The following RAPGEF4 variants were observed in gnomAD, a reference collection of about 807,000 sequenced individuals.
The protein encoded by RAPGEF4 is Rap guanine nucleotide exchange factor 4.
In RAPGEF4, 66 loss-of-function variants were observed where a neutral mutation model predicts 147.9. The observed-to-expected ratio is 0.45, with a 90% CI of 0.37 to 0.55. RAPGEF4 has a LOEUF of 0.55. Among genes scored for constraint, RAPGEF4 ranks in the 20% least tolerant of loss-of-function variants. The pLI, the probability that RAPGEF4 is intolerant of heterozygous loss-of-function variation, is 0.00. For synonymous variants in RAPGEF4, 419 were observed against 442.7 expected, an observed-to-expected ratio of 0.95 and a Z score of 0.67; for missense variants, 1,071 against 1,257.3, an observed-to-expected ratio of 0.85 and a Z score of 2.24.
chr2:173,036,566 G>A (rs1684038712), intron 28 of RAPGEF4, 62 bp from the exon 29 acceptor site: 1 of 1,283,714 alleles, frequency 7.8e-7, no homozygotes, highest in Non-Finnish European at 1.1e-6. Flanking sequence ...TGGTGCTATT[G>A]TGCTTTCTTA....
chr2:172,917,713 C>G (rs972228184), intron 4 of RAPGEF4, 89 bp from the exon 5 acceptor site: 21 of 1,136,632 alleles, frequency 1.8e-5, no homozygotes, highest in Non-Finnish European at 2.4e-5. Context: ...CTTCCTGACA[C>G]CCAGCATTTC....
chr2:172,819,627 G>A (rs1293414655), intron 4 of RAPGEF4, among the ~76,000 whole-genome samples: 5 of 151,130 alleles, frequency 3.3e-5, no homozygotes, highest in East Asian at 1.9e-4. Flanking sequence ...CACTACGCCC[G>A]GCTAATTTTT....
intron 4 of RAPGEF4, among the ~76,000 whole-genome samples, chr2:172,902,522 C>T (rs1699180267): frequency 1.3e-5 from 2 of 152,156 alleles, no homozygotes; most frequent in Admixed American, 6.5e-5. Flanking sequence ...AGGCTGGTCT[C>T]GATGCCTGGA....
chr2:172,921,263 G>GT, intron 5 of RAPGEF4, among the ~76,000 whole-genome samples: 1 of 151,924 alleles, frequency 6.6e-6, no homozygotes. Flanking sequence ...TGCCCAGCTA[G>GT]TTTTTTGTGG....
chr2:172,981,417 C>T (rs1305772205), intron 10 of RAPGEF4, among the ~76,000 whole-genome samples: 1 of 152,238 alleles, frequency 6.6e-6, no homozygotes, highest in Non-Finnish European at 1.5e-5. Context: ...TAGATGAGGG[C>T]TCTGGCCGAG....
chr2:172,744,513 C>T, intron 1 of RAPGEF4: 1 of 403,284 alleles, frequency 2.5e-6, no homozygotes, highest in South Asian at 1.9e-5. Context: ...ACTGTATAGG[C>T]TCAAACCCCA....
At chr2:173,001,133 C>T in intron 16 of RAPGEF4, 133 bp from the exon 17 acceptor site, 1 of 1,305,588 alleles carries the variant, frequency 7.7e-7, no homozygotes, top group Non-Finnish European at 1.0e-6. Flanking sequence ...TGAAGTGCTT[C>T]CATGTAAAGT....
chr2:173,018,090 G>T (rs749621975), intron 21 of RAPGEF4, among the ~76,000 whole-genome samples: 1 of 152,176 alleles, frequency 6.6e-6, no homozygotes, highest in Non-Finnish European at 1.5e-5. Flanking sequence ...AATGGGAATT[G>T]CTCCCAGGAT....
chr2:172,889,381 A>G (rs1428561283), intron 4 of RAPGEF4, among the ~76,000 whole-genome samples: 1 of 152,210 alleles, frequency 6.6e-6, no homozygotes, highest in Non-Finnish European at 1.5e-5. Flanking sequence ...GTCAACAAAG[A>G]GTCGTATTTG....
chr2:172,800,952 T>C (rs1391396985), intron 3 of RAPGEF4, among the ~76,000 whole-genome samples: 1 of 152,146 alleles, frequency 6.6e-6, no homozygotes, highest in African/African-American at 2.4e-5. Context: ...GTGAAGGCCA[T>C]GGGTAAGGAG....
At chr2:172,851,060 C>T (rs1692762398) in intron 4 of RAPGEF4, among the ~76,000 whole-genome samples, 1 of 152,168 alleles carries the variant, frequency 6.6e-6, no homozygotes. Flanking sequence ...ATCTTTCTAA[C>T]ATTTTGTTAC....
At chr2:172,991,706 C>T (rs1409677884) in intron 15 of RAPGEF4, among the ~76,000 whole-genome samples, 1 of 152,094 alleles carries the variant, frequency 6.6e-6, no homozygotes, top group Non-Finnish European at 1.5e-5. Context: ...AGAAATGTTG[C>T]CCAATAATAT....
At chr2:173,007,360 A>G (rs1694585554) in intron 17 of RAPGEF4, among the ~76,000 whole-genome samples, 1 of 152,238 alleles carries the variant, frequency 6.6e-6, no homozygotes, top group African/African-American at 2.4e-5. Flanking sequence ...GATGGTACAG[A>G]AGGCGCTCCT....
chr2:172,820,239 T>G (rs1688939192), intron 4 of RAPGEF4, among the ~76,000 whole-genome samples: 1 of 152,214 alleles, frequency 6.6e-6, no homozygotes, highest in Non-Finnish European at 1.5e-5. Context: ...GAAAGATGCT[T>G]CTGAGAGGCC....
chr2:172,843,812 C>T (rs183977879), intron 4 of RAPGEF4, among the ~76,000 whole-genome samples: 305 of 152,298 alleles, frequency 2.0e-3, no homozygotes, highest in Non-Finnish European at 3.6e-3. Context: ...TTACCCAAGG[C>T]GTACGCTAGG....
chr2:172,965,886 T>G (rs945207959), intron 9 of RAPGEF4, among the ~76,000 whole-genome samples: 1 of 152,200 alleles, frequency 6.6e-6, no homozygotes, highest in Non-Finnish European at 1.5e-5. Context: ...CCTTCCTAAC[T>G]TGGGAGAATG....
chr2:172,914,689 A>G (rs570737435), intron 4 of RAPGEF4, among the ~76,000 whole-genome samples: 8 of 152,252 alleles, frequency 5.3e-5, no homozygotes, highest in Admixed American at 3.3e-4. Context: ...AATTACACAG[A>G]TATTTCCAAA....
At chr2:172,785,349 CACTTT>C (rs927081279) in intron 1 of RAPGEF4, among the ~76,000 whole-genome samples, 24 of 152,152 alleles carry the variant, frequency 1.6e-4, no homozygotes, top group African/African-American at 5.8e-4. Context: ...TGTTTTTAAG[CACTTT>C]ACTTATTGCT....
intron 6 of RAPGEF4, among the ~76,000 whole-genome samples, 195 bp from the exon 7 acceptor site, chr2:172,960,565 G>T (rs1307849362): frequency 6.6e-6 from 1 of 151,948 alleles, no homozygotes; most frequent in Non-Finnish European, 1.5e-5. Flanking sequence ...TTAAATGTTG[G>T]CAAATTGAAT....
Sources: allele counts gnomAD v4.1 joint callset (sites outside exome capture counted in the v4.1 genomes callset), GRCh38; gene constraint gnomAD v4.1.1; transcripts MANE v1.5; gene names NCBI Gene and HGNC (gene_info 2026-07-23, HGNC 2026-07-21).